The following SRD5A2 variants were observed in gnomAD, a reference collection of about 807,000 sequenced individuals.
The protein encoded by SRD5A2 is 3-oxo-5-alpha-steroid 4-dehydrogenase 2.
In SRD5A2, 30 loss-of-function variants were observed where a neutral mutation model predicts 27.4. That is an observed-to-expected ratio of 1.10 (90% confidence interval 0.82 to 1.49). The LOEUF (loss-of-function observed/expected upper bound fraction) is 1.49. Ranked by LOEUF, SRD5A2 falls within the 40% of genes most tolerant of loss-of-function variation. SRD5A2 has a pLI of 0.00. For synonymous variants in SRD5A2, 141 were observed against 133.6 expected (o/e 1.06, Z -0.38); for missense variants, 348 against 323.4 (o/e 1.08, Z -0.58).
At chr2:31,529,919 G>A (rs1665869415) in intron 3 of SRD5A2, among the ~76,000 whole-genome samples, 1 of 152,108 alleles carries the variant, frequency 6.6e-6, no homozygotes. Context: ...ACGGGAGAAG[G>A]AATTTAGATT....
the SRD5A2 span, among the ~76,000 whole-genome samples, chr2:31,641,588 T>A: frequency 5.3e-5 from 8 of 152,210 alleles, no homozygotes; most frequent in Non-Finnish European, 1.0e-4. Flanking sequence ...ACAAATCAAA[T>A]ACAGAAATAT....
chr2:31,553,917 G>A (rs1203011714), intron 1 of SRD5A2, among the ~76,000 whole-genome samples: 1 of 152,102 alleles, frequency 6.6e-6, no homozygotes, highest in Non-Finnish European at 1.5e-5. Flanking sequence ...AATAGTAAAG[G>A]GTTTGGACAA....
At chr2:31,547,446 G>C (rs1666284800) in intron 1 of SRD5A2, among the ~76,000 whole-genome samples, 1 of 152,230 alleles carries the variant, frequency 6.6e-6, no homozygotes, top group Non-Finnish European at 1.5e-5. Context: ...TTGGTGGACT[G>C]GGTGGAGAAG....
At chr2:31,656,571 A>G in the SRD5A2 span, among the ~76,000 whole-genome samples, 8 of 152,264 alleles carry the variant, frequency 5.3e-5, no homozygotes, top group African/African-American at 1.9e-4. Context: ...GGGGGAAAAT[A>G]GCTGATGCCC....
At chr2:31,612,829 G>A in the SRD5A2 span, among the ~76,000 whole-genome samples, 5 of 152,244 alleles carry the variant, frequency 3.3e-5, no homozygotes, top group South Asian at 4.1e-4. Context: ...CATTTTGACC[G>A]AGGGAACAGG....
In SRD5A2 at chr2:31,522,986, G is replaced by T. The variant is rs1324339795; in HGVS notation, c.*3210C>A. On this transcript the variant is annotated 3_prime_UTR_variant, in exon 5 of 5. Transcript: ENST00000622030. ...CAAACTTCAGGGTTGTAAAACCACG[G>T]ATTTATTTATTTGTTCCTGAAAGGG... is the stretch of plus-strand genomic sequence containing the variant. 9.0e-6 allele frequency: 2 copies of T among 221,214 alleles called. No homozygotes were observed. Among genetic ancestry groups the T allele is most frequent in the Non-Finnish European group, 1.8e-5 (2 of 110,658 alleles). 13.7% of individuals were successfully genotyped at this position (221,214 alleles called of 1,614,324 possible).
chr2:31,556,016 C>T (rs947849597), intron 1 of SRD5A2, among the ~76,000 whole-genome samples: 2 of 152,164 alleles, frequency 1.3e-5, no homozygotes, highest in Non-Finnish European at 2.9e-5. Context: ...TAGAGTTTCT[C>T]AAAAAATTGT....
At chr2:31,585,356 A>G (rs185925321), upstream of SRD5A2, among the ~76,000 whole-genome samples, 10 of 152,196 alleles carry the variant, frequency 6.6e-5, no homozygotes, top group South Asian at 1.0e-3. Flanking sequence ...CCCCTCCCCA[A>G]TCCCAGGCTG....
At chr2:31,545,905 T>G (rs1326949325) in intron 1 of SRD5A2, among the ~76,000 whole-genome samples, 2 of 152,222 alleles carry the variant, frequency 1.3e-5, no homozygotes, top group African/African-American at 2.4e-5. Context: ...ATCAGTTGCA[T>G]TTCTATACAC....
chr2:31,542,032 G>A (rs1346581603), intron 1 of SRD5A2, among the ~76,000 whole-genome samples: 1 of 152,158 alleles, frequency 6.6e-6, no homozygotes, highest in Non-Finnish European at 1.5e-5. Context: ...CAATTCCTGG[G>A]CAAGTCCTAG....
the SRD5A2 span, among the ~76,000 whole-genome samples, chr2:31,652,745 C>G: frequency 6.6e-6 from 1 of 152,192 alleles, no homozygotes; most frequent in Non-Finnish European, 1.5e-5. Flanking sequence ...CAAACTTAAT[C>G]TACAGAAGAA....
the SRD5A2 span, among the ~76,000 whole-genome samples, chr2:31,649,907 T>C: frequency 2.9e-3 from 440 of 152,248 alleles, 6 homozygotes; most frequent in Non-Finnish European, 5.6e-3. Flanking sequence ...ATTTGTCTTT[T>C]GAAACAATGA....
intron 1 of SRD5A2, among the ~76,000 whole-genome samples, chr2:31,554,989 G>A (rs112899050): frequency 2.1e-4 from 32 of 149,196 alleles, no homozygotes; most frequent in Admixed American, 4.0e-4. Flanking sequence ...GTGTGTTACC[G>A]CCAGGCCAGT....
chr2:31,630,648 T>C, the SRD5A2 span, among the ~76,000 whole-genome samples: 1 of 152,176 alleles, frequency 6.6e-6, no homozygotes, highest in Non-Finnish European at 1.5e-5. Context: ...AAATAACTTT[T>C]AGAGGAAACC....
the SRD5A2 span, among the ~76,000 whole-genome samples, chr2:31,606,879 G>T: frequency 6.6e-6 from 1 of 151,964 alleles, no homozygotes; most frequent in South Asian, 2.1e-4. Flanking sequence ...GAGGCTAGAG[G>T]TCTGAGATCA....
chr2:31,595,922 T>C, the SRD5A2 span, among the ~76,000 whole-genome samples: 5 of 152,182 alleles, frequency 3.3e-5, no homozygotes, highest in Non-Finnish European at 7.3e-5. Flanking sequence ...ATAAATGTGA[T>C]GCACCACATA....
the SRD5A2 span, among the ~76,000 whole-genome samples, chr2:31,628,647 C>T: frequency 6.6e-6 from 1 of 152,140 alleles, no homozygotes; most frequent in Non-Finnish European, 1.5e-5. Context: ...CCTTCAGGAC[C>T]TCTTATAAGG....
chr2:31,623,504 T>G, the SRD5A2 span, among the ~76,000 whole-genome samples: 2 of 152,098 alleles, frequency 1.3e-5, no homozygotes, highest in Non-Finnish European at 2.9e-5. Context: ...TGAGGTCATT[T>G]GGAGGAGAAG....
chr2:31,529,341 A>T lies in SRD5A2; in HGVS notation c.664T>A (p.Cys222Ser). ...TGAAAAGCTCGCAGCCCAAGGAAACAAAGTGAGAAAAATGCAAATGCAAGT... is the reference window on the plus strand; with the variant it reads ...TGAAAAGCTCGCAGCCCAAGGAAACTAAGTGAGAAAAATGCAAATGCAAGT... ...PALAFAFFSL[C>S]FLGLRAFHHH... is the part of the protein sequence containing the mutation. The change falls in exon 4 of 5, where the codon TGT becomes AGT. Residue 222 changes from cysteine (C) to serine (S), a missense_variant. Physicochemically the swap from Cys to Ser is moderately radical, Grantham distance 112 (BLOSUM62 -1). Coordinates refer to ENST00000622030, the MANE Select transcript of SRD5A2 (RefSeq NM_000348.4). 6.2e-7 allele frequency: 1 copy of T among 1,613,964 alleles called. No homozygotes were observed. The highest frequency in any genetic ancestry group is 8.5e-7 in the Non-Finnish European group (1 of 1,179,834).
Sources: gnomAD v4.1 joint callset for allele counts (sites outside exome capture counted in the v4.1 genomes callset) on GRCh38, gnomAD v4.1.1 for gene constraint, MANE v1.5 for transcripts, NCBI Gene and HGNC (gene_info 2026-07-23, HGNC 2026-07-21) for gene names.